CDH18: variants seen among roughly 807,000 people sequenced by gnomAD.
CDH18 encodes cadherin-18.
A neutral mutation model predicts 67.9 loss-of-function variants in CDH18; 31 were observed. That is an observed-to-expected ratio of 0.46 (90% confidence interval 0.34 to 0.62). CDH18 has a LOEUF of 0.62. CDH18 is among the 20% of genes least tolerant of loss of function. The pLI is 0.01. For missense variants in CDH18, 890 were observed against 975.5 expected (o/e 0.91, Z 1.17); for synonymous variants, 362 against 347.2 (o/e 1.04, Z -0.48).
chr5:19,642,557 C>T (rs1489625603), intron 5 of CDH18, among the ~76,000 whole-genome samples: 1 of 151,792 alleles, frequency 6.6e-6, no homozygotes, highest in African/African-American at 2.4e-5. Context: ...AAAAAGGATG[C>T]AAAGAAAATA....
At chr5:19,917,945 T>C (rs1433650610) in intron 2 of CDH18, among the ~76,000 whole-genome samples, 2 of 152,124 alleles carry the variant, frequency 1.3e-5, no homozygotes, top group African/African-American at 4.8e-5. Flanking sequence ...AATAAATCCC[T>C]GGGTAGCTGA....
intron 1 of CDH18, among the ~76,000 whole-genome samples, chr5:20,525,918 CCTT>C (rs1347449802): frequency 7.2e-5 from 11 of 152,190 alleles, no homozygotes; most frequent in Admixed American, 4.6e-4. Flanking sequence ...CCAAATGTAT[CCTT>C]CTCTGAATTT....
intron 2 of CDH18, among the ~76,000 whole-genome samples, chr5:20,131,953 T>C (rs1749304348): frequency 6.6e-6 from 1 of 152,122 alleles, no homozygotes; most frequent in African/African-American, 2.4e-5. Context: ...AGTGGTGTGA[T>C]CTTGGCTCAC....
chr5:19,517,662 T>C (rs1746242836), intron 10 of CDH18, among the ~76,000 whole-genome samples: 1 of 152,146 alleles, frequency 6.6e-6, no homozygotes, highest in African/African-American at 2.4e-5. Flanking sequence ...TTGGTGGTTT[T>C]GTTTCTCTTG....
intron 9 of CDH18, among the ~76,000 whole-genome samples, chr5:19,528,391 G>A (rs1271380435): frequency 2.0e-5 from 3 of 151,360 alleles, no homozygotes; most frequent in African/African-American, 7.3e-5. Context: ...TTTTCTGGGT[G>A]TGCAATCTAA....
chr5:19,509,640 G>A (rs1281470748), intron 10 of CDH18, among the ~76,000 whole-genome samples: 2 of 152,076 alleles, frequency 1.3e-5, no homozygotes, highest in Non-Finnish European at 2.9e-5. Context: ...ATTGTATGTG[G>A]TGGAAGCAGA....
chr5:19,749,168 C>T (rs1581180688), intron 3 of CDH18, among the ~76,000 whole-genome samples: 1 of 151,950 alleles, frequency 6.6e-6, no homozygotes, highest in African/African-American at 2.4e-5. Flanking sequence ...ATAGAGAAAC[C>T]TATTTCATAT....
chr5:20,473,426 T>C (rs1752225310), intron 1 of CDH18, among the ~76,000 whole-genome samples: 1 of 152,208 alleles, frequency 6.6e-6, no homozygotes, highest in South Asian at 2.1e-4. Context: ...TTCTAGATAT[T>C]TTTTCAGGTG....
intron 2 of CDH18, among the ~76,000 whole-genome samples, chr5:20,093,667 G>T (rs1271667948): frequency 6.6e-6 from 1 of 152,126 alleles, no homozygotes; most frequent in African/African-American, 2.4e-5. Flanking sequence ...ATACCTGATT[G>T]AAAGAATCAG....
At chr5:19,961,550 AC>A (rs1796910329) in intron 2 of CDH18, among the ~76,000 whole-genome samples, 1 of 152,136 alleles carries the variant, frequency 6.6e-6, no homozygotes, top group South Asian at 2.1e-4. Context: ...GATGGAGTGT[AC>A]CCACTTCAGC....
At chr5:20,188,867 ACT>A (rs1378012781) in intron 2 of CDH18, among the ~76,000 whole-genome samples, 1 of 136,654 alleles carries the variant, frequency 7.3e-6, no homozygotes, top group Non-Finnish European at 1.6e-5. Flanking sequence ...AAAAAAATCC[ACT>A]CTCTCCAAAG....
At chr5:19,902,801 G>A (rs75165915) in intron 2 of CDH18, among the ~76,000 whole-genome samples, 142 of 152,242 alleles carry the variant, frequency 9.3e-4, no homozygotes, top group East Asian at 4.0e-3. Context: ...TTATATTTCA[G>A]AACTTTGGTT....
Position 20,306,448 on chromosome 5 carries a change from T to G in CDH18, c.-579-50943A>C, listed in dbSNP as rs535946394. On this transcript the variant is annotated intron_variant, in intron 1 of 14. Transcript: ENST00000507958. ...TTTTCCATAGAGTCATTTTTTTGCT[T>G]TTGTCTCCGTAATCTACCATCCTTC... 1.3e-4 allele frequency among the ~76,000 whole-genome samples: 20 copies of G among 152,286 alleles called. 1 individual carries two copies. In the East Asian group the frequency reaches 3.7e-3, roughly 28 times the overall value.
chr5:20,293,387 TACAGG>T (rs1164684654), intron 1 of CDH18, among the ~76,000 whole-genome samples: 1 of 151,780 alleles, frequency 6.6e-6, no homozygotes, highest in African/African-American at 2.4e-5. Context: ...GAGACAATAG[TACAGG>T]AAAGAAAATG....
At chr5:20,068,152 C>T (rs1743146607) in intron 2 of CDH18, among the ~76,000 whole-genome samples, 1 of 152,040 alleles carries the variant, frequency 6.6e-6, no homozygotes, top group African/African-American at 2.4e-5. Flanking sequence ...GAAAAGCTGC[C>T]ATGAAATTAA....
At chr5:19,522,417 G>T in intron 9 of CDH18, among the ~76,000 whole-genome samples, 1 of 152,054 alleles carries the variant, frequency 6.6e-6, no homozygotes, top group East Asian at 1.9e-4. Context: ...AAGATATTAA[G>T]AGCTGTATTA....
chr5:19,652,806 G>A (rs1755773515), intron 5 of CDH18, among the ~76,000 whole-genome samples: 1 of 152,012 alleles, frequency 6.6e-6, no homozygotes, highest in Non-Finnish European at 1.5e-5. Flanking sequence ...CATCAGAAAC[G>A]GCAAACAGGG....
intron 1 of CDH18, among the ~76,000 whole-genome samples, chr5:20,519,853 G>T (rs1254563709): frequency 6.6e-6 from 1 of 151,016 alleles, no homozygotes; most frequent in Non-Finnish European, 1.5e-5. Context: ...GGAGACAGCT[G>T]GCAGATGTCC....
intron 1 of CDH18, among the ~76,000 whole-genome samples, chr5:20,530,419 A>T (rs1756326131): frequency 6.6e-6 from 1 of 151,908 alleles, no homozygotes; most frequent in South Asian, 2.1e-4. Context: ...AAAAGAATAC[A>T]ATATAGCCAG....
Sources: gnomAD v4.1 joint callset for allele counts (sites outside exome capture counted in the v4.1 genomes callset) on GRCh38, gnomAD v4.1.1 for gene constraint, MANE v1.5 for transcripts, NCBI Gene and HGNC (gene_info 2026-07-23, HGNC 2026-07-21) for gene names.